DSCAM: variants seen among roughly 807,000 people sequenced by gnomAD.
DSCAM encodes the protein cell adhesion molecule DSCAM.
In DSCAM, 47 loss-of-function variants were observed where a neutral mutation model predicts 217.7. That is an observed-to-expected ratio of 0.22 (90% CI 0.17 to 0.28). The LOEUF (loss-of-function observed/expected upper bound fraction) is 0.28, where lower values mean the gene tolerates loss of function less well. DSCAM is among the 10% of genes least tolerant of loss of function. DSCAM has a pLI of 1.00. For synonymous variants in DSCAM, 1,056 were observed against 1,015.3 expected, an observed-to-expected ratio of 1.04 and a Z score of -0.76; for missense variants, 2,080 against 2,618.3, an observed-to-expected ratio of 0.79 and a Z score of 4.49.
At chr21:40,233,287 T>G (rs754765722) in intron 11 of DSCAM, among the ~76,000 whole-genome samples, 12 of 152,168 alleles carry the variant, frequency 7.9e-5, no homozygotes, top group Non-Finnish European at 1.3e-4. Context: ...ATTTATAACT[T>G]TAATAAATGA....
chr21:40,837,236 C>T (rs2092064382), intron 1 of DSCAM, among the ~76,000 whole-genome samples: 2 of 152,162 alleles, frequency 1.3e-5, no homozygotes, highest in Admixed American at 6.5e-5. Context: ...GCATCTAATC[C>T]CACAGAAGCC....
chr21:40,640,232 A>G (rs941752625), intron 3 of DSCAM, among the ~76,000 whole-genome samples: 2 of 146,930 alleles, frequency 1.4e-5, no homozygotes, highest in African/African-American at 5.0e-5. Flanking sequence ...ACCTGGAGAC[A>G]AGGCCACCTT....
At chr21:40,260,972 A>T (rs985456191) in intron 11 of DSCAM, among the ~76,000 whole-genome samples, 1 of 152,196 alleles carries the variant, frequency 6.6e-6, no homozygotes, top group South Asian at 2.1e-4. Flanking sequence ...CAAAACACTA[A>T]CATCAGACAA....
intron 11 of DSCAM, among the ~76,000 whole-genome samples, chr21:40,230,723 T>C (rs1393849767): frequency 6.6e-6 from 1 of 152,210 alleles, no homozygotes; most frequent in Non-Finnish European, 1.5e-5. Context: ...CTGAAGAGTG[T>C]GTTGTGTTAA....
chr21:40,021,823 C>A, intron 32 of DSCAM, among the ~76,000 whole-genome samples: 1 of 152,238 alleles, frequency 6.6e-6, no homozygotes, highest in Non-Finnish European at 1.5e-5. Context: ...TTCTGCAGGC[C>A]CCACATCCAT....
chr21:40,645,915 C>T (rs1601818701), intron 3 of DSCAM, among the ~76,000 whole-genome samples: 1 of 151,982 alleles, frequency 6.6e-6, no homozygotes, highest in Non-Finnish European at 1.5e-5. Context: ...CTATAAAATA[C>T]AATGGGTGCA....
intron 3 of DSCAM, among the ~76,000 whole-genome samples, chr21:40,467,466 A>T (rs2075854454): frequency 6.6e-6 from 1 of 152,224 alleles, no homozygotes; most frequent in African/African-American, 2.4e-5. Flanking sequence ...TTCTGTTTTC[A>T]GGAATATGTA....
chr21:40,206,377 A>G (rs1291223212), intron 11 of DSCAM, among the ~76,000 whole-genome samples: 2 of 152,124 alleles, frequency 1.3e-5, no homozygotes, highest in Non-Finnish European at 2.9e-5. Context: ...TCTGGAGGGC[A>G]TGTTAGCACA....
intron 3 of DSCAM, among the ~76,000 whole-genome samples, chr21:40,415,956 G>A (rs1423118119): frequency 6.6e-6 from 1 of 152,110 alleles, no homozygotes; most frequent in Non-Finnish European, 1.5e-5. Flanking sequence ...AGAAAAAAAG[G>A]TTGGGAACTA....
intron 9 of DSCAM, among the ~76,000 whole-genome samples, chr21:40,306,263 G>C (rs1257151054): frequency 6.9e-6 from 1 of 144,866 alleles, no homozygotes; most frequent in Non-Finnish European, 1.5e-5. Context: ...TGGTATATAA[G>C]AATGCTTGTG....
intron 3 of DSCAM, among the ~76,000 whole-genome samples, chr21:40,508,757 ATATATATATATATATATATATATATATT>A (rs1330984603): frequency 0.1 from 959 of 9,510 alleles, 57 homozygotes; most frequent in East Asian, 0.21. Context: ...ATATATATAT[ATATATATATATATATATATATATATATT>A]TTTTTTTTTT....
intron 1 of DSCAM, among the ~76,000 whole-genome samples, chr21:40,795,965 CA>C: frequency 6.6e-6 from 1 of 152,238 alleles, no homozygotes; most frequent in Admixed American, 6.5e-5. Flanking sequence ...AGAACAAAAA[CA>C]AAAGCAATTA....
chr21:40,205,999 T>C (rs1020537608), intron 11 of DSCAM, among the ~76,000 whole-genome samples: 3 of 152,286 alleles, frequency 2.0e-5, no homozygotes, highest in Non-Finnish European at 4.4e-5. Flanking sequence ...ACAGAGGCTT[T>C]TTGGCATTGG....
chr21:40,300,611 T>C (rs1332031509), intron 9 of DSCAM, among the ~76,000 whole-genome samples: 1 of 152,222 alleles, frequency 6.6e-6, no homozygotes, highest in East Asian at 1.9e-4. Flanking sequence ...AACCTTGACA[T>C]GTGAAAAACA....
intron 1 of DSCAM, among the ~76,000 whole-genome samples, chr21:40,801,774 G>A (rs1256798422): frequency 6.6e-6 from 1 of 152,180 alleles, no homozygotes; most frequent in African/African-American, 2.4e-5. Flanking sequence ...GCATGCATGT[G>A]GTGCTAATTC....
rs1209188347 is a variant in DSCAM, at chr21:40,339,259, C to G, written c.1367G>C (p.Ser456Thr). Residue 456 changes from serine (S) to threonine (T), a missense_variant, in exon 7 of 33, where the codon AGC becomes ACC. Ser to Thr is a moderately conservative substitution (Grantham distance 58). Transcript: ENST00000400454. ...PILKGGSHRI[S>T]QMITSEGNVV... ...GTTCCCCTCCGACGTGATCATCTGG[C>G]TGATGCGGTGACTGCCACCCTTGAG... The G allele has an allele frequency of 6.2e-7, 1 of 1,614,184 alleles. No homozygotes were observed. Among genetic ancestry groups the G allele is most frequent in the East Asian group, 2.2e-5 (1 of 44,858 alleles).
chr21:40,029,206 G>GCTT (rs993076186), intron 32 of DSCAM, among the ~76,000 whole-genome samples: 3 of 152,108 alleles, frequency 2.0e-5, no homozygotes, highest in East Asian at 1.9e-4. Context: ...TTGGATTACT[G>GCTT]CTTCTTCTTC....
chr21:40,183,359 A>G (rs530713029), intron 14 of DSCAM, among the ~76,000 whole-genome samples: 1 of 152,290 alleles, frequency 6.6e-6, no homozygotes, highest in South Asian at 2.1e-4. Flanking sequence ...CAACCTGTGT[A>G]ATTGCCACCT....
At chr21:40,018,466 T>G (rs917937703) in intron 32 of DSCAM, among the ~76,000 whole-genome samples, 6 of 152,238 alleles carry the variant, frequency 3.9e-5, no homozygotes, top group Admixed American at 2.0e-4. Context: ...GAATGCCTCA[T>G]GCTCTTTCTG....
Sources: gnomAD v4.1 joint callset for allele counts (sites outside exome capture counted in the v4.1 genomes callset) on GRCh38, gnomAD v4.1.1 for gene constraint, MANE v1.5 for transcripts, NCBI Gene and HGNC (gene_info 2026-07-23, HGNC 2026-07-21) for gene names.